The following ARAP2 variants were observed in gnomAD, a reference collection of about 807,000 sequenced individuals.
ARAP2 encodes ArfGAP with RhoGAP domain, ankyrin repeat and PH domain 2.
ARAP2 carries 148 observed loss-of-function variants against 194.5 expected under a neutral mutation model. That is an observed-to-expected ratio of 0.76 (90% confidence interval 0.67 to 0.87). The LOEUF is 0.87. ARAP2 is among the 40% of genes least tolerant of loss of function. The pLI is 0.00. For missense variants in ARAP2, 2,128 were observed against 1,989.7 expected, an observed-to-expected ratio of 1.07 and a Z score of -1.32; for synonymous variants, 695 against 683.5, an observed-to-expected ratio of 1.02 and a Z score of -0.26.
intron 20 of ARAP2, 57 bp downstream of exon 20, chr4:36,133,169 C>T: frequency 1.9e-6 from 3 of 1,568,162 alleles, no homozygotes; most frequent in Non-Finnish European, 2.6e-6. Flanking sequence ...CACTTAAAAA[C>T]CTGTAAGAAC....
At chr4:36,099,342 C>T (rs1716230338) in intron 27 of ARAP2, among the ~76,000 whole-genome samples, 1 of 151,964 alleles carries the variant, frequency 6.6e-6, no homozygotes, top group Non-Finnish European at 1.5e-5. Flanking sequence ...TTTGCTATTG[C>T]CAACACTGTA....
At chr4:36,030,797 G>GTTTTT (rs34777330) in intron 5 of ARAP2, among the ~76,000 whole-genome samples, 2 of 16,080 alleles carry the variant, frequency 1.2e-4, no homozygotes, top group Non-Finnish European at 2.7e-4. Flanking sequence ...CATTGTCTAC[G>GTTTTT]TTTTTTTTTT....
chr4:36,083,340 CT>C (rs1285277153), intron 29 of ARAP2, 27 bp downstream of exon 29: 10 of 1,522,494 alleles, frequency 6.6e-6, no homozygotes, highest in African/African-American at 2.8e-5. Context: ...TAAGTTTTTC[CT>C]TTCAGCACTT....
intron 26 of ARAP2, among the ~76,000 whole-genome samples, chr4:36,111,533 T>C (rs1719984381): frequency 6.6e-6 from 1 of 152,012 alleles, no homozygotes; most frequent in Non-Finnish European, 1.5e-5. Context: ...CACATTTCTT[T>C]GTTTATACAT....
At chr4:36,236,249 A>G (rs1445902681) in intron 1 of ARAP2, among the ~76,000 whole-genome samples, 1 of 151,966 alleles carries the variant, frequency 6.6e-6, no homozygotes, top group East Asian at 1.9e-4. Context: ...GAAAGCCACT[A>G]TAGTAAGCCC....
intron 31 of ARAP2, among the ~76,000 whole-genome samples, chr4:36,075,103 A>G (rs1412209546): frequency 6.6e-6 from 1 of 152,176 alleles, no homozygotes; most frequent in Non-Finnish European, 1.5e-5. Context: ...AGCATATTAT[A>G]TAATTGTGAT....
intron 5 of ARAP2, among the ~76,000 whole-genome samples, chr4:36,020,189 T>C (rs994430892): frequency 1.3e-5 from 2 of 152,160 alleles, no homozygotes; most frequent in African/African-American, 4.8e-5. Flanking sequence ...GGCGGGCAGA[T>C]CAGCTGCTGT....
chr4:36,187,678 T>A (rs2109893054), intron 7 of ARAP2, 107 bp from the exon 8 acceptor site: 1 of 996,640 alleles, frequency 1.0e-6, no homozygotes, highest in African/African-American at 1.7e-5. Flanking sequence ...ATAATTTCAA[T>A]CCAAATTTTT....
chr4:36,182,644 G>A (rs1739558819), intron 8 of ARAP2, among the ~76,000 whole-genome samples: 1 of 152,158 alleles, frequency 6.6e-6, no homozygotes, highest in Non-Finnish European at 1.5e-5. Context: ...CTCATGAGAT[G>A]ATTAAAATAA....
At chr4:36,099,150 G>A (rs1314835462) in intron 27 of ARAP2, among the ~76,000 whole-genome samples, 5 of 151,756 alleles carry the variant, frequency 3.3e-5, no homozygotes, top group Non-Finnish European at 5.9e-5. Context: ...GAGAACATGC[G>A]GTGTCTGGTT....
At chr4:36,062,998 A>G (rs1368715124), downstream of ARAP2, among the ~76,000 whole-genome samples, 1 of 152,202 alleles carries the variant, frequency 6.6e-6, no homozygotes, top group Non-Finnish European at 1.5e-5. Context: ...TTTTACAACT[A>G]ATTCTGCCTT....
chr4:36,037,639 C>A (rs1391528445), intron 5 of ARAP2, among the ~76,000 whole-genome samples: 2 of 152,084 alleles, frequency 1.3e-5, no homozygotes, highest in Non-Finnish European at 2.9e-5. Context: ...ATTTTGTGTA[C>A]TTATACTGTT....
chr4:36,150,764 ATAAG>A (rs974462607), intron 16 of ARAP2, 132 bp downstream of exon 16: 21 of 933,316 alleles, frequency 2.3e-5, no homozygotes, highest in African/African-American at 1.9e-4. Flanking sequence ...AAGGCGCAAG[ATAAG>A]TAAGCTTCAA....
intron 9 of ARAP2, among the ~76,000 whole-genome samples, chr4:36,176,075 A>T (rs1031267751): frequency 2.0e-5 from 3 of 152,210 alleles, no homozygotes; most frequent in African/African-American, 7.2e-5. Context: ...AAAGTTCACA[A>T]GTCAGAAAAT....
chr4:36,211,993 C>A (rs1198158564), intron 5 of ARAP2, among the ~76,000 whole-genome samples: 1 of 112,302 alleles, frequency 8.9e-6, no homozygotes, highest in Non-Finnish European at 2.0e-5. Context: ...ATGCTTCTTG[C>A]CAGTGCTGAA....
chr4:36,161,409 C>T (rs1272506073), intron 12 of ARAP2, 56 bp downstream of exon 12: 1 of 1,436,766 alleles, frequency 7.0e-7, no homozygotes, highest in South Asian at 1.1e-5. Flanking sequence ...AACCTCCTCC[C>T]AGTCTCTGCA....
chr4:36,208,751 G>A (rs1310626709), intron 6 of ARAP2, among the ~76,000 whole-genome samples: 1 of 151,248 alleles, frequency 6.6e-6, no homozygotes, highest in Non-Finnish European at 1.5e-5. Context: ...TCACGTAGAA[G>A]TGTTTTAAAA....
At chr4:36,056,113 G>C (rs1257718577) in intron 2 of ARAP2, among the ~76,000 whole-genome samples, 1 of 152,086 alleles carries the variant, frequency 6.6e-6, no homozygotes, top group African/African-American at 2.4e-5. Context: ...CAAGTATATT[G>C]GCTACTTTCA....
At chr4:36,114,334 G>A (rs1469004131) in intron 25 of ARAP2, 47 bp from the exon 26 acceptor site, 1 of 1,157,980 alleles carries the variant, frequency 8.6e-7, no homozygotes, top group African/African-American at 1.6e-5. Flanking sequence ...AGACACAGAA[G>A]TAGCCTTATG....
Sources: gnomAD v4.1 joint callset for allele counts (sites outside exome capture counted in the v4.1 genomes callset) on GRCh38, gnomAD v4.1.1 for gene constraint, MANE v1.5 for transcripts, NCBI Gene and HGNC (gene_info 2026-07-23, HGNC 2026-07-21) for gene names.